ZNF197: variants seen among roughly 807,000 people sequenced by gnomAD.
The protein encoded by ZNF197 is zinc finger protein 197.
Under a neutral mutation model 27.4 loss-of-function variants are expected in ZNF197, and 14 were observed. That is an observed-to-expected ratio of 0.51 (90% CI 0.34 to 0.80). The LOEUF is 0.80. Among genes scored for constraint, ZNF197 ranks in the 30% least tolerant of loss-of-function variants. ZNF197 has a pLI of 0.02. For synonymous variants in ZNF197, 415 were observed against 420.0 expected (o/e 0.99, Z 0.15); for missense variants, 1,090 against 1,222.6 (o/e 0.89, Z 1.62).
In ZNF197 at chr3:44,643,222, A is replaced by C; in HGVS notation, c.2092A>C (p.Arg698=). The change falls in exon 6 of 6, where the codon AGA becomes CGA. Residue 698 remains arginine (R), a synonymous_variant. Transcript: ENST00000344387. ...AAACAGAAACCTCATTGACCATGAG[A>C]GACTCCACAATGGGGAGAAGCCATA... is the stretch of plus-strand genomic sequence containing the variant. ...GSNRNLIDHE[R]LHNGEKPYEC... The C allele has an allele frequency of 6.2e-7, 1 of 1,614,110 alleles. No individual in the cohort carries two copies.
At chr3:44,638,857 G>A (rs1702446997) in intron 5 of ZNF197, among the ~76,000 whole-genome samples, 2 of 152,078 alleles carry the variant, frequency 1.3e-5, no homozygotes, top group African/African-American at 4.8e-5. Context: ...CACACACCAA[G>A]CTAATTATTT....
At position 44,643,463 on chromosome 3, in the gene ZNF197, T is replaced by C. The variant is rs1369849699; in HGVS notation, c.2333T>C (p.Ile778Thr). 6 of 1,614,214 alleles carry C rather than the reference T, an allele frequency of 3.7e-6. No homozygotes were observed. Among genetic ancestry groups the C allele is most frequent in the Non-Finnish European group, 4.2e-6 (5 of 1,180,036 alleles). The change falls in exon 6 of 6, where the codon ATT (isoleucine) becomes ACT (threonine). Residue 778 changes from isoleucine (I) to threonine (T), a missense_variant. Ile to Thr is a moderately conservative substitution (Grantham distance 89). Transcript: ENST00000344387. ...GRAFSSNRNL[I>T]EHKRIHSGEK... ...GCTTTCAGTTCAAACAGAAACCTCA[T>C]TGAGCATAAGAGAATCCACAGTGGT...
rs116636274 is a variant in ZNF197, at chr3:44,630,212, G to A, written c.390+668G>A. On this transcript the variant is annotated intron_variant, in intron 2 of 5. Coordinates refer to ENST00000344387, the MANE Select transcript of ZNF197 (RefSeq NM_006991.5). The stretch of plus-strand genomic sequence containing the variant: ...AGCCTGGGTGATGGAGTGAGATCCT[G>A]TCTTTAAATAAATAAATAAATAAAA... Among the ~76,000 whole-genome samples the A allele has an allele frequency of 9.3e-3, 1,411 of 152,294 alleles. 25 individuals are homozygous for A. The highest frequency in any genetic ancestry group is 0.033 in the African/African-American group (1,357 of 41,566).
In ZNF197 at chr3:44,645,195, G is replaced by A; in HGVS notation, c.*975G>A. 1 of 979,880 alleles carries A rather than the reference G, an allele frequency of 1.0e-6. No homozygotes were observed. The allele number at this position is 979,880 out of a possible 1,614,324, so 60.7% of individuals were successfully genotyped here. On this transcript the variant is annotated 3_prime_UTR_variant, in exon 6 of 6. Transcript: ENST00000344387. ...CCTACCTCACAGGGTTGTTGTGAGG[G>A]TTAAGTGAAAGGATCTTTGTGAAAG...
In ZNF197 at chr3:44,632,598, A is replaced by G; in HGVS notation, c.768A>G (p.Leu256=). The change falls in exon 5 of 6, where the codon CTA becomes CTG. Residue 256 remains leucine, a splice_region_variant and synonymous_variant. Coordinates refer to ENST00000344387, the MANE Select transcript of ZNF197 (RefSeq NM_006991.5). The part of the protein sequence containing the change: ...MLENYGNVTS[L]EWETMTENEE... The stretch of plus-strand genomic sequence containing the variant: ...AGAATTATGGAAATGTGACCTCCCT[A>G]GGTAAGGATTCTTCTTTCTATGATG... The G allele has an allele frequency of 6.5e-7, 1 of 1,548,724 alleles. No homozygotes were observed. Among genetic ancestry groups the G allele is most frequent in the Non-Finnish European group, 8.7e-7 (1 of 1,147,612 alleles).
At chr3:44,635,873 G>T (rs570766733) in intron 5 of ZNF197, among the ~76,000 whole-genome samples, 1 of 152,310 alleles carries the variant, frequency 6.6e-6, no homozygotes, top group South Asian at 2.1e-4. Flanking sequence ...ATGGTTCCCA[G>T]TTCCTCCACC....
chr3:44,642,777 G>A lies in ZNF197; in HGVS notation c.1647G>A (p.Gln549=), dbSNP rs2125823269. The change falls in exon 6 of 6, where the codon CAG becomes CAA. Residue 549 remains glutamine, a synonymous_variant. Transcript: ENST00000344387. ...KCDECGKTFA[Q]TTYLIDHQRL... The stretch of plus-strand genomic sequence containing the variant: ...ATGAATGTGGAAAGACCTTTGCTCA[G>A]ACCACTTATCTTATTGACCATCAGC... 1 of 1,613,476 alleles carries A rather than the reference G, an allele frequency of 6.2e-7. No homozygotes were observed. Among genetic ancestry groups the A allele is most frequent in the Non-Finnish European group, 8.5e-7 (1 of 1,179,922 alleles).
chr3:44,645,503 A>G lies in ZNF197; in HGVS notation c.*1283A>G, dbSNP rs1263545537. On this transcript the variant is annotated 3_prime_UTR_variant, in exon 6 of 6. Coordinates refer to ENST00000344387, the MANE Select transcript of ZNF197 (RefSeq NM_006991.5). Reference sequence around the variant, plus strand: ...GTATATGGAAAAAAATGTTATGGCCAGCCATTAACAGTGATGCCAAGGAAA... The same window carrying G: ...GTATATGGAAAAAAATGTTATGGCCGGCCATTAACAGTGATGCCAAGGAAA... 2.0e-6 allele frequency: 2 copies of G among 985,310 alleles called. No individual in the cohort carries two copies. Among genetic ancestry groups the G allele is most frequent in the Admixed American group, 1.2e-4 (2 of 16,260 alleles). 61.0% of individuals were successfully genotyped at this position (985,310 alleles called of 1,614,324 possible). A position where few individuals can be genotyped will look rare whatever the true frequency, so the allele number is the denominator to read the frequency against.
At chr3:44,639,541 T>C (rs1016676331) in intron 5 of ZNF197, among the ~76,000 whole-genome samples, 1 of 151,970 alleles carries the variant, frequency 6.6e-6, no homozygotes, top group Non-Finnish European at 1.5e-5. Context: ...CCATTTTTTT[T>C]CTTGAGTCAG....
rs1478979251 is a variant in ZNF197, at chr3:44,646,738, C to CT, written c.*2520dup. 2.0e-6 allele frequency: 1 copy of CT among 489,426 alleles called. No homozygotes were observed. The highest frequency in any genetic ancestry group is 3.6e-6 in the Non-Finnish European group (1 of 275,812). 30.3% of individuals were successfully genotyped at this position (489,426 alleles called of 1,614,324 possible). A position where few individuals can be genotyped will look rare whatever the true frequency, so the allele number is the denominator to read the frequency against. On this transcript the variant is annotated 3_prime_UTR_variant, in exon 6 of 6. Transcript: ENST00000344387. ...AAGGTATAAAACATGGATGAGGAGG[C>CT]TTGTTTTTAAAAGATAATACTAGAG...
chr3:44,632,563 G>A lies in ZNF197; in HGVS notation c.733G>A (p.Val245Met). 2 of 1,597,944 alleles carry A rather than the reference G, an allele frequency of 1.3e-6. No individual in the cohort carries two copies. Among genetic ancestry groups the A allele is most frequent in the Non-Finnish European group, 1.7e-6 (2 of 1,171,722 alleles). ...AATCCAGAGGGCCTTGTACTGGGAT[G>A]TGATGCTGGAGAATTATGGAAATGT... is the stretch of plus-strand genomic sequence containing the variant. Reference protein sequence around the residue: ...GPIQRALYWDVMLENYGNVTS... With the variant: ...GPIQRALYWDMMLENYGNVTS... The change falls in exon 5 of 6, where the codon GTG (valine) becomes ATG (methionine). Residue 245 changes from valine to methionine, a missense_variant. By Grantham distance (21) the Val-to-Met change is conservative. Coordinates refer to ENST00000344387, the MANE Select transcript of ZNF197 (RefSeq NM_006991.5).
Position 44,632,207 on chromosome 3 carries a change from C to A in ZNF197, c.642+11C>A. The stretch of plus-strand genomic sequence containing the variant: ...ACAGCCCAGCCCCAGGTAAGGTTTG[C>A]ATCCTCTTTCCTTCCCATCTGCACA... On this transcript the variant is annotated intron_variant, in intron 4 of 5. Coordinates refer to ENST00000344387, the MANE Select transcript of ZNF197 (RefSeq NM_006991.5). 2.5e-6 allele frequency: 4 copies of A among 1,613,600 alleles called. No homozygotes were observed. The highest frequency in any genetic ancestry group is 3.4e-6 in the Non-Finnish European group (4 of 1,179,526).
rs1272770187 is a variant in ZNF197 at position 44,643,286 on chromosome 3, A to G, written c.2156A>G (p.Lys719Arg). 1.2e-6 allele frequency: 2 copies of G among 1,614,058 alleles called. No individual in the cohort carries two copies. Among genetic ancestry groups the G allele is most frequent in the Non-Finnish European group, 8.5e-7 (1 of 1,180,010 alleles). The change falls in exon 6 of 6, where the codon AAA (lysine) becomes AGA (arginine). Residue 719 changes from lysine to arginine, a missense_variant. By Grantham distance (26) the Lys-to-Arg change is conservative. Coordinates refer to ENST00000344387, the MANE Select transcript of ZNF197 (RefSeq NM_006991.5). ...RECGKTFIMS[K>R]SFMVHQKLHT... is the part of the protein sequence containing the mutation. ...TGTGGGAAAACCTTTATTATGAGCA[A>G]AAGTTTTATGGTCCATCAGAAACTC...
chr3:44,630,614 G>A (rs952953904), intron 2 of ZNF197, among the ~76,000 whole-genome samples: 4 of 152,156 alleles, frequency 2.6e-5, no homozygotes, highest in Non-Finnish European at 5.9e-5. Context: ...CTAGCTGGCC[G>A]CAAAACCAAG....
rs1344717990 is a variant in ZNF197 at position 44,648,408 on chromosome 3, G to A, written c.*4188G>A. 2 of 152,312 alleles carry A rather than the reference G, an allele frequency of 1.3e-5. No individual in the cohort carries two copies. The highest frequency in any genetic ancestry group is 3.9e-4 in the East Asian group (2 of 5,188). The allele number at this position is 152,312 out of a possible 1,614,324, so 9.4% of individuals were successfully genotyped here. A position where few individuals can be genotyped will look rare whatever the true frequency, so the allele number is the denominator to read the frequency against. Reference sequence around the variant, plus strand: ...CACATGGAAAATACGGGTATTCAATGTGCCATACTTTCAACTCTTCTGTAC... The same window carrying A: ...CACATGGAAAATACGGGTATTCAATATGCCATACTTTCAACTCTTCTGTAC... On this transcript the variant is annotated 3_prime_UTR_variant, in exon 6 of 6. Transcript: ENST00000344387.
rs759806648 is a variant in ZNF197 at position 44,642,287 on chromosome 3, T to A, written c.1157T>A (p.Ile386Lys). The A allele has an allele frequency of 6.2e-7, 1 of 1,614,034 alleles. No homozygotes were observed. Residue 386 changes from isoleucine to lysine, a missense_variant, in exon 6 of 6, where the codon ATA becomes AAA. Physicochemically the swap from Ile to Lys is moderately radical, Grantham distance 102. Transcript: ENST00000344387. Reference sequence around the variant, plus strand: ...CATTTTAATAAAATCTCCCATCTTATAAACCATCGGAGAATCCACACTGGT... The same window carrying A: ...CATTTTAATAAAATCTCCCATCTTAAAAACCATCGGAGAATCCACACTGGT... The part of the protein sequence containing the change: ...CKHFNKISHL[I>K]NHRRIHTGEK...
Position 44,643,401 on chromosome 3 carries a change from C to T in ZNF197, c.2271C>T (p.Thr757=), listed in dbSNP as rs369322524. ...TGCTTGTACATCGGAGAATCCACACCGGAGAAAAACCCTTTGAATGCAGTG... is the reference window on the plus strand; with the variant it reads ...TGCTTGTACATCGGAGAATCCACACTGGAGAAAAACCCTTTGAATGCAGTG... ...SSLLVHRRIH[T]GEKPFECSEC... The change falls in exon 6 of 6, where the codon ACC becomes ACT. Residue 757 remains threonine (T), a synonymous_variant. Coordinates refer to ENST00000344387, the MANE Select transcript of ZNF197 (RefSeq NM_006991.5). The T allele has an allele frequency of 3.6e-5, 58 of 1,613,960 alleles. No individual in the cohort carries two copies. Among genetic ancestry groups the T allele is most frequent in the African/African-American group, 6.7e-5 (5 of 74,880 alleles).
rs1398708477 is a variant in ZNF197, at chr3:44,629,289, T to C, written c.135T>C (p.Phe45=). 19 of 1,613,956 alleles carry C rather than the reference T, an allele frequency of 1.2e-5. No homozygotes were observed. The East Asian group carries it at 3.3e-4, about 28-fold the overall frequency. Residue 45 remains phenylalanine (F), a synonymous_variant, in exon 2 of 6, where the codon TTT becomes TTC. Coordinates refer to ENST00000344387, the MANE Select transcript of ZNF197 (RefSeq NM_006991.5). Reference sequence around the variant, plus strand: ...TTTGGGAGACCTCCCACCTACACTTTAGACAATTACGTTACCATGAGACAT... The same window carrying C: ...TTTGGGAGACCTCCCACCTACACTTCAGACAATTACGTTACCATGAGACAT... ...SSVWETSHLH[F]RQLRYHETSG... is the part of the protein sequence containing the mutation.
chr3:44,629,095 GGAA>G lies in ZNF197; in HGVS notation c.-55_-53del. ...GTAGATGATACTCTCCAAGCTGTAA[GGAA>G]GAAGTCAAGGATTAAGGAGACCTGG... is the stretch of plus-strand genomic sequence containing the variant. On this transcript the variant is annotated 5_prime_UTR_variant, in exon 2 of 6. Coordinates refer to ENST00000344387, the MANE Select transcript of ZNF197 (RefSeq NM_006991.5). 6.5e-7 allele frequency: 1 copy of G among 1,535,246 alleles called. No homozygotes were observed. Among genetic ancestry groups the G allele is most frequent in the East Asian group, 2.2e-5 (1 of 44,460 alleles).
Sources: gnomAD v4.1 joint callset for allele counts (sites outside exome capture counted in the v4.1 genomes callset) on GRCh38, gnomAD v4.1.1 for gene constraint, MANE v1.5 for transcripts, NCBI Gene and HGNC (gene_info 2026-07-23, HGNC 2026-07-21) for gene names.